The following LRRC17 variants were observed in gnomAD, a reference collection of about 807,000 sequenced individuals.
The protein encoded by LRRC17 is leucine rich repeat containing 17.
LRRC17 carries 33 observed loss-of-function variants against 41.5 expected under a neutral mutation model. The observed-to-expected ratio is 0.80, with a 90% CI of 0.60 to 1.06. The LOEUF (loss-of-function observed/expected upper bound fraction) is 1.06. Ranked by LOEUF, LRRC17 falls within the 50% of genes least tolerant of loss-of-function variation. The pLI, the probability that LRRC17 is intolerant of heterozygous loss-of-function variation, is 0.00. For synonymous variants in LRRC17, 192 were observed against 197.0 expected, an observed-to-expected ratio of 0.97 and a Z score of 0.21; for missense variants, 491 against 519.3, an observed-to-expected ratio of 0.95 and a Z score of 0.53.
chr7:102,937,166 T>C (rs1364260412), intron 2 of LRRC17, among the ~76,000 whole-genome samples: 1 of 152,122 alleles, frequency 6.6e-6, no homozygotes, highest in African/African-American at 2.4e-5. Context: ...CTCCAAGTGT[T>C]AATGACTGTG....
chr7:102,941,216 G>A (rs1354673052), intron 3 of LRRC17, among the ~76,000 whole-genome samples: 1 of 152,106 alleles, frequency 6.6e-6, no homozygotes, highest in African/African-American at 2.4e-5. Flanking sequence ...AATAAATAAG[G>A]ATACTACAGA....
At chr7:102,927,324 G>T (rs1382189451) in intron 1 of LRRC17, among the ~76,000 whole-genome samples, 1 of 152,130 alleles carries the variant, frequency 6.6e-6, no homozygotes, top group Non-Finnish European at 1.5e-5. Flanking sequence ...AGAAAGAATA[G>T]ACCACTGCAG....
chr7:102,917,759 G>C (rs1050290700), intron 1 of LRRC17, among the ~76,000 whole-genome samples: 1 of 152,196 alleles, frequency 6.6e-6, no homozygotes, highest in Non-Finnish European at 1.5e-5. Flanking sequence ...GCGTGAGATA[G>C]AACAGATTGA....
At chr7:102,927,721 C>T (rs1818397080) in intron 1 of LRRC17, among the ~76,000 whole-genome samples, 1 of 152,172 alleles carries the variant, frequency 6.6e-6, no homozygotes, top group Admixed American at 6.5e-5. Flanking sequence ...CTACTCTTAA[C>T]TACAGTATTC....
chr7:102,926,393 G>C (rs778145204), intron 1 of LRRC17: 22 of 1,589,958 alleles, frequency 1.4e-5, no homozygotes, highest in Non-Finnish European at 1.8e-5. Flanking sequence ...AAAACAGAGG[G>C]AAGAGGCTTA....
chr7:102,921,088 G>A (rs1466300411), intron 1 of LRRC17, among the ~76,000 whole-genome samples: 3 of 152,188 alleles, frequency 2.0e-5, no homozygotes, highest in Non-Finnish European at 4.4e-5. Context: ...GGAGGCGGAG[G>A]TTGCAGTGAG....
chr7:102,915,886 T>C (rs1053149525), intron 1 of LRRC17, among the ~76,000 whole-genome samples: 9 of 152,248 alleles, frequency 5.9e-5, no homozygotes, highest in Non-Finnish European at 1.2e-4. Context: ...AATATATTTG[T>C]GATTTATATG....
Position 102,944,518 on chromosome 7 carries a change from GACCAAGAC to G in LRRC17, c.1240_1247del (p.Gln414ArgfsTer3). On this transcript the variant is annotated frameshift_variant, in exon 4 of 4. Transcript: ENST00000339431. LOFTEE classifies it high-confidence loss of function. ...GTTACCAGCATATCCTGAGTCATTT[GACCAAGAC>G]ACAGAAGATGATGAATGGGAAAAAA... 1 of 1,613,934 alleles carries G rather than the reference GACCAAGAC, an allele frequency of 6.2e-7. No individual in the cohort carries two copies. Among genetic ancestry groups the G allele is most frequent in the Non-Finnish European group, 8.5e-7 (1 of 1,179,930 alleles).
intron 3 of LRRC17, among the ~76,000 whole-genome samples, chr7:102,943,723 A>G (rs1821917582): frequency 6.6e-6 from 1 of 152,244 alleles, no homozygotes; most frequent in African/African-American, 2.4e-5. Flanking sequence ...CAGGACAAGC[A>G]ATAACGAATC....
chr7:102,933,837 C>A lies in LRRC17; in HGVS notation c.-77C>A. On this transcript the variant is annotated 5_prime_UTR_variant, in exon 2 of 4. Coordinates refer to ENST00000339431, the MANE Select transcript of LRRC17 (RefSeq NM_001031692.3). ...CCAGAACTGCATTAGTTAAGATTAC[C>A]CAGACTTGGATTTCAAAGGAATACT... 9 of 1,434,938 alleles carry A rather than the reference C, an allele frequency of 6.3e-6. No individual in the cohort carries two copies. The highest frequency in any genetic ancestry group is 8.4e-6 in the Non-Finnish European group (9 of 1,074,212). The allele number at this position is 1,434,938 out of a possible 1,614,324, so 88.9% of individuals were successfully genotyped here. A position where few individuals can be genotyped will look rare whatever the true frequency, so the allele number is the denominator to read the frequency against.
intron 3 of LRRC17, among the ~76,000 whole-genome samples, chr7:102,941,552 CCT>C (rs1430284086): frequency 6.6e-6 from 1 of 152,148 alleles, no homozygotes; most frequent in Non-Finnish European, 1.5e-5. Context: ...TTGCAATTCC[CCT>C]GTCTTGATAA....
intron 1 of LRRC17, among the ~76,000 whole-genome samples, chr7:102,923,456 T>C (rs765206021): frequency 1.7e-4 from 26 of 152,174 alleles, no homozygotes; most frequent in Non-Finnish European, 3.7e-4. Flanking sequence ...CATAAATAAC[T>C]ACAAGAACAC....
At position 102,944,441 on chromosome 7, in the gene LRRC17, G is replaced by A; in HGVS notation, c.1160G>A (p.Trp387Ter). The change falls in exon 4 of 4, where the codon TGG (tryptophan) becomes TAG (stop). Residue 387 changes from tryptophan (W) to a stop codon, truncating the protein, a stop_gained. Coordinates refer to ENST00000339431, the MANE Select transcript of LRRC17 (RefSeq NM_001031692.3). LOFTEE classifies it high-confidence loss of function. ...AAAACGCCTGAAGAATACAAAGGAT[G>A]GTCTGTGGGAAAATATATTAGAAGT... ...ECKTPEEYKG[W>*]SVGKYIRSYY... 1 of 1,613,900 alleles carries A rather than the reference G, an allele frequency of 6.2e-7. No homozygotes were observed.
chr7:102,938,185 G>A (rs953597790), intron 2 of LRRC17, among the ~76,000 whole-genome samples: 10 of 152,198 alleles, frequency 6.6e-5, no homozygotes, highest in African/African-American at 1.2e-4. Flanking sequence ...GAAAGTCAGA[G>A]TTTTTAAACT....
intron 1 of LRRC17, among the ~76,000 whole-genome samples, chr7:102,916,077 A>G (rs1301927465): frequency 1.3e-5 from 2 of 151,376 alleles, no homozygotes; most frequent in Non-Finnish European, 2.9e-5. Flanking sequence ...TCCACCTCCC[A>G]GGCTCAAGTG....
chr7:102,933,990 T>G lies in LRRC17; in HGVS notation c.77T>G (p.Val26Gly). ...CTGCGCAAAGCAAGCCCAGGCAGTGTGAGAAGCCGAGTGAATCATGGCCGG... is the reference window on the plus strand; with the variant it reads ...CTGCGCAAAGCAAGCCCAGGCAGTGGGAGAAGCCGAGTGAATCATGGCCGG... ...AELRKASPGS[V>G]RSRVNHGRAG... is the part of the protein sequence containing the mutation. The change falls in exon 2 of 4, where the codon GTG becomes GGG. Residue 26 changes from valine (V) to glycine (G), a missense_variant. Coordinates refer to ENST00000339431, the MANE Select transcript of LRRC17 (RefSeq NM_001031692.3). 1 of 1,614,134 alleles carries G rather than the reference T, an allele frequency of 6.2e-7. No homozygotes were observed. Among genetic ancestry groups the G allele is most frequent in the East Asian group, 2.2e-5 (1 of 44,884 alleles).
At chr7:102,932,075 C>A in intron 1 of LRRC17, 1 of 681,556 alleles carries the variant, frequency 1.5e-6, no homozygotes, top group Non-Finnish European at 2.3e-6. Context: ...TATATGGTTT[C>A]TTTCCCCAGA....
intron 1 of LRRC17, among the ~76,000 whole-genome samples, chr7:102,919,813 C>A (rs1816640602): frequency 6.6e-6 from 1 of 152,062 alleles, no homozygotes; most frequent in East Asian, 1.9e-4. Context: ...TGCATCTTTA[C>A]TGAAAAAAGA....
chr7:102,940,654 A>G (rs1821244088), intron 3 of LRRC17, among the ~76,000 whole-genome samples: 1 of 152,232 alleles, frequency 6.6e-6, no homozygotes, highest in African/African-American at 2.4e-5. Flanking sequence ...CCAGAGCCAG[A>G]CATATTATAT....
Sources: allele counts gnomAD v4.1 joint callset (sites outside exome capture counted in the v4.1 genomes callset), GRCh38; gene constraint gnomAD v4.1.1; transcripts MANE v1.5; gene names NCBI Gene and HGNC (gene_info 2026-07-23, HGNC 2026-07-21).